MSN: variants seen among roughly 807,000 people sequenced by gnomAD.
MSN encodes the protein moesin, also known as epididymis luminal protein 70.
In MSN, 2 loss-of-function variants were observed where a neutral mutation model predicts 48.0. That is an observed-to-expected ratio of 0.04 (90% CI 0.02 to 0.13). The LOEUF (loss-of-function observed/expected upper bound fraction) is 0.13. MSN is among the 10% of genes least tolerant of loss of function. MSN has a pLI of 1.00. For missense variants in MSN, 267 were observed against 470.1 expected (o/e 0.57, Z 3.99); for synonymous variants, 146 against 166.9 (o/e 0.87, Z 0.97).
intron 1 of MSN, among the ~76,000 whole-genome samples, chrX:65,662,564 T>C (rs1310320077): frequency 8.9e-6 from 1 of 112,443 alleles, no homozygotes; most frequent in Non-Finnish European, 1.9e-5. Context: ...TAAAAGGTGC[T>C]GAGATACTTG....
intron 1 of MSN, among the ~76,000 whole-genome samples, chrX:65,671,862 G>A (rs2070945528): frequency 8.9e-6 from 1 of 112,049 alleles, no homozygotes; most frequent in Non-Finnish European, 1.9e-5. Context: ...GATAGAAGTA[G>A]TATTGATCAC....
intron 1 of MSN, among the ~76,000 whole-genome samples, chrX:65,690,578 C>T (rs2071162531): frequency 9.0e-6 from 1 of 111,567 alleles, no homozygotes; most frequent in African/African-American, 3.3e-5. Flanking sequence ...CTGTGGGCAT[C>T]AAGACATTCA....
intron 1 of MSN, among the ~76,000 whole-genome samples, chrX:65,607,728 C>T (rs1047591262): frequency 9.0e-6 from 1 of 111,071 alleles, no homozygotes; most frequent in African/African-American, 3.3e-5. Flanking sequence ...CCATTCCCTG[C>T]CCTCACTTCC....
chrX:65,696,275 G>A (rs184317280), intron 1 of MSN, among the ~76,000 whole-genome samples: 17 of 107,355 alleles, frequency 1.6e-4, no homozygotes, highest in Admixed American at 4.9e-4. Flanking sequence ...AGCCTGATCC[G>A]ATCCATATTG....
chrX:65,646,031 AT>A (rs765706795), intron 1 of MSN, among the ~76,000 whole-genome samples: 369 of 112,255 alleles, frequency 3.3e-3, no homozygotes, highest in African/African-American at 0.012. Flanking sequence ...TATAATGCAA[AT>A]ATTCCAAAAT....
intron 1 of MSN, among the ~76,000 whole-genome samples, chrX:65,626,399 CTG>C (rs1402446529): frequency 8.9e-6 from 1 of 111,809 alleles, no homozygotes; most frequent in Non-Finnish European, 1.9e-5. Context: ...AGTGTGGTAA[CTG>C]TGGAAATCAG....
chrX:65,680,895 T>G (rs1569461608), intron 1 of MSN, among the ~76,000 whole-genome samples: 2 of 110,533 alleles, frequency 1.8e-5, no homozygotes. Flanking sequence ...ATTACAGGGA[T>G]GTGCCACCAA....
intron 1 of MSN, 78 bp downstream of exon 1, chrX:65,667,931 T>C: frequency 9.1e-7 from 1 of 1,093,871 alleles, no homozygotes; most frequent in African/African-American, 1.8e-5. Context: ...GGCTGAGGGC[T>C]TGGCCAGCCA....
Position 65,716,001 on chromosome X carries a change from A to G in MSN, c.13-817A>G, listed in dbSNP as rs1213733257. Among the ~76,000 whole-genome samples, 10 of 112,157 alleles carry G rather than the reference A, an allele frequency of 8.9e-5. No homozygotes were observed. The South Asian group carries it at 3.7e-3, about 42-fold the overall frequency. ...TTATTATTTTGAGGTATGCTCCTTC[A>G]ATACCTAGTTTATTGAGAACTTTTA... On this transcript the variant is annotated intron_variant, in intron 1 of 12. Coordinates refer to ENST00000360270, the MANE Select transcript of MSN (RefSeq NM_002444.3).
At chrX:65,704,805 C>G (rs1202299280) in intron 1 of MSN, among the ~76,000 whole-genome samples, 1 of 104,549 alleles carries the variant, frequency 9.6e-6, no homozygotes, top group African/African-American at 3.5e-5. Flanking sequence ...AGTCTTGCTC[C>G]GTCACCCAGG....
chrX:65,591,077 TTCTC>T (rs1250548606), intron 1 of MSN, among the ~76,000 whole-genome samples: 1 of 111,505 alleles, frequency 9.0e-6, no homozygotes, highest in Non-Finnish European at 1.9e-5. Context: ...GGGCCATTCA[TTCTC>T]TCTATGTCCT....
intron 1 of MSN, among the ~76,000 whole-genome samples, chrX:65,647,585 G>C (rs1440039798): frequency 8.9e-6 from 1 of 112,616 alleles, no homozygotes; most frequent in Non-Finnish European, 1.9e-5. Flanking sequence ...CACAAGTAGT[G>C]ATATTTGATC....
In MSN at chrX:65,696,471, ACCATTAGGGAGG is replaced by A. The variant is rs1319643264; in HGVS notation, c.13-20345_13-20334del. On this transcript the variant is annotated intron_variant, in intron 1 of 12. Transcript: ENST00000360270. ...TTATGGAACAATGTATGTTGCCTTG[ACCATTAGGGAGG>A]CTTCTGGGTAATTTCCATAGAGATT... is the stretch of plus-strand genomic sequence containing the variant. Among the ~76,000 whole-genome samples the A allele has an allele frequency of 3.6e-5, 4 of 111,497 alleles. No individual in the cohort carries two copies. In the Admixed American group the frequency reaches 3.8e-4, roughly 11 times the overall value.
intron 1 of MSN, among the ~76,000 whole-genome samples, chrX:65,659,341 G>A (rs1350498075): frequency 9.0e-6 from 1 of 110,840 alleles, no homozygotes; most frequent in Non-Finnish European, 1.9e-5. Flanking sequence ...TTTTAGTAGA[G>A]ATAGGGTTCA....
chrX:65,711,038 C>T (rs1222060737), intron 1 of MSN, among the ~76,000 whole-genome samples: 1 of 105,049 alleles, frequency 9.5e-6, no homozygotes, highest in Admixed American at 1.0e-4. Flanking sequence ...GCGTGCACCA[C>T]CATGCCCGGC....
chrX:65,711,724 A>G (rs2071417481), intron 1 of MSN, among the ~76,000 whole-genome samples: 2 of 111,655 alleles, frequency 1.8e-5, no homozygotes, highest in South Asian at 3.7e-4. Flanking sequence ...TGCATTTACA[A>G]ATATTCTAAG....
intron 9 of MSN, 38 bp from the exon 10 acceptor site, chrX:65,737,140 G>GCCTTCAT: frequency 8.4e-7 from 1 of 1,186,208 alleles, no homozygotes. Context: ...CTTTATCTCT[G>GCCTTCAT]TGCTCTTCAC....
intron 1 of MSN, among the ~76,000 whole-genome samples, chrX:65,711,789 T>G (rs1347454579): frequency 9.0e-6 from 1 of 111,592 alleles, no homozygotes; most frequent in Non-Finnish European, 1.9e-5. Flanking sequence ...CACAAAAAAG[T>G]CAAGATGTCA....
chrX:65,595,035 A>G lies in MSN; in HGVS notation c.-22+6423A>G, dbSNP rs187592964. 3.8e-3 allele frequency among the ~76,000 whole-genome samples: 421 copies of G among 111,469 alleles called. 4 individuals carry two copies. The highest frequency in any genetic ancestry group is 0.013 in the African/African-American group (395 of 30,558). On this transcript the variant is annotated intron_variant, in intron 1 of 3. Coordinates refer to the MSN transcript ENST00000609672. ...TTAGTGATACCTCAAGACTGAGACC[A>G]CAAATCCTGTAGACAGTAGGGCCTT...
Sources: allele counts gnomAD v4.1 joint callset (sites outside exome capture counted in the v4.1 genomes callset), GRCh38; gene constraint gnomAD v4.1.1; transcripts MANE v1.5; gene names NCBI Gene and HGNC (gene_info 2026-07-23, HGNC 2026-07-21).